Variants in JAK2 observed in about 807,000 individuals in gnomAD.
JAK2 encodes tyrosine-protein kinase JAK2.
Under a neutral mutation model 139.3 loss-of-function variants are expected in JAK2, and 86 were observed. The ratio of observed to expected loss-of-function variants is 0.62; its 90% confidence interval spans 0.52 to 0.74. The LOEUF (loss-of-function observed/expected upper bound fraction) is 0.74, where lower values mean the gene tolerates loss of function less well. Among genes scored for constraint, JAK2 ranks in the 30% least tolerant of loss-of-function variants. The pLI is 0.00. For synonymous variants in JAK2, 490 were observed against 437.7 expected, an observed-to-expected ratio of 1.12 and a Z score of -1.49; for missense variants, 1,421 against 1,360.3, an observed-to-expected ratio of 1.04 and a Z score of -0.70.
intron 15 of JAK2, 135 bp downstream of exon 15, chr9:5,077,715 T>C (rs1819402571): frequency 2.1e-6 from 1 of 487,686 alleles, no homozygotes; most frequent in Non-Finnish European, 3.4e-6. Context: ...TGTTAGGTGA[T>C]AAAAAGAGAT....
chr9:5,064,339 G>T (rs191401691), intron 8 of JAK2, among the ~76,000 whole-genome samples: 1 of 152,250 alleles, frequency 6.6e-6, no homozygotes, highest in African/African-American at 2.4e-5. Context: ...AGACCAGCCT[G>T]GCCAACATGG....
intron 8 of JAK2, among the ~76,000 whole-genome samples, chr9:5,063,701 T>A (rs10815149): frequency 6.6e-6 from 1 of 151,950 alleles, no homozygotes; most frequent in Non-Finnish European, 1.5e-5. Flanking sequence ...AAGAGTGTTT[T>A]GAAGTTTTTG....
chr9:5,018,420 C>T (rs927405202), intron 2 of JAK2, among the ~76,000 whole-genome samples: 4 of 152,122 alleles, frequency 2.6e-5, no homozygotes, highest in East Asian at 1.9e-4. Context: ...ACTGCAGCCT[C>T]GACCTCCATG....
chr9:5,123,111 G>T lies in JAK2; in HGVS notation c.3167G>T (p.Ser1056Ile). Residue 1056 changes from serine (S) to isoleucine (I), a missense_variant, in exon 23 of 25, where the codon AGT becomes ATT. By Grantham distance (142) the Ser-to-Ile change is moderately radical. Coordinates refer to ENST00000381652, the MANE Select transcript of JAK2 (RefSeq NM_004972.4). ...ELFTYIEKSK[S>I]PPAEFMRMIG... ...TTCACATACATTGAGAAGAGTAAAA[G>T]TCCACCAGCGGTCAGTGTGCTTTTT... The T allele has an allele frequency of 6.3e-7, 1 of 1,588,332 alleles. No individual in the cohort carries two copies. Among genetic ancestry groups the T allele is most frequent in the Non-Finnish European group, 8.6e-7 (1 of 1,164,468 alleles).
At chr9:5,078,146 C>T (rs1819436945) in intron 15 of JAK2, among the ~76,000 whole-genome samples, 160 bp from the exon 16 acceptor site, 1 of 152,150 alleles carries the variant, frequency 6.6e-6, no homozygotes, top group South Asian at 2.1e-4. Context: ...AAACAGGAAG[C>T]ATAGGAGTCA....
At chr9:5,102,416 T>C (rs1198965201) in intron 22 of JAK2, among the ~76,000 whole-genome samples, 1 of 152,204 alleles carries the variant, frequency 6.6e-6, no homozygotes, top group Admixed American at 6.5e-5. Context: ...CTACATTTGA[T>C]TGTTGTACCT....
chr9:5,044,070 T>G (rs1392040122), intron 4 of JAK2, among the ~76,000 whole-genome samples: 2 of 152,258 alleles, frequency 1.3e-5, no homozygotes, highest in Non-Finnish European at 2.9e-5. Flanking sequence ...TTATACCAAA[T>G]TAGCATTTTC....
intron 4 of JAK2, among the ~76,000 whole-genome samples, chr9:5,037,408 G>C (rs1257926513): frequency 6.6e-6 from 1 of 152,136 alleles, no homozygotes; most frequent in Non-Finnish European, 1.5e-5. Flanking sequence ...ACATGCACAC[G>C]TATGTTTATT....
At chr9:5,046,311 CCTT>C (rs1817005816) in intron 5 of JAK2, among the ~76,000 whole-genome samples, 1 of 152,092 alleles carries the variant, frequency 6.6e-6, no homozygotes, top group Non-Finnish European at 1.5e-5. Flanking sequence ...GATCTTAACT[CCTT>C]ATAAGATACA....
At chr9:5,017,747 G>A (rs1390764301) in intron 2 of JAK2, among the ~76,000 whole-genome samples, 1 of 152,180 alleles carries the variant, frequency 6.6e-6, no homozygotes, top group Non-Finnish European at 1.5e-5. Context: ...ATATCCAGTT[G>A]CAGATGAACT....
chr9:5,024,687 GC>G (rs1822665039), intron 3 of JAK2, among the ~76,000 whole-genome samples: 1 of 152,088 alleles, frequency 6.6e-6, no homozygotes, highest in Non-Finnish European at 1.5e-5. Flanking sequence ...TTAGACCTCT[GC>G]CCCAGATAGC....
chr9:5,121,793 C>T (rs776224633), intron 22 of JAK2, among the ~76,000 whole-genome samples: 1 of 151,980 alleles, frequency 6.6e-6, no homozygotes, highest in Non-Finnish European at 1.5e-5. Flanking sequence ...TTTGTATTTA[C>T]CCTTACATAA....
chr9:5,088,388 T>C (rs904104367), intron 19 of JAK2, among the ~76,000 whole-genome samples: 8 of 152,220 alleles, frequency 5.3e-5, no homozygotes, highest in African/African-American at 1.4e-4. Context: ...AAGAACTACA[T>C]TGTTTTATCC....
intron 3 of JAK2, among the ~76,000 whole-genome samples, chr9:5,025,893 C>A (rs978562620): frequency 6.6e-6 from 1 of 152,212 alleles, no homozygotes; most frequent in African/African-American, 2.4e-5. Context: ...TACATTTTCA[C>A]AAAAATTGTC....
intron 19 of JAK2, chr9:5,085,375 A>C: frequency 1.1e-6 from 1 of 906,804 alleles, no homozygotes; most frequent in Non-Finnish European, 1.8e-6. Flanking sequence ...GATCTCATGC[A>C]CCACTGGGTC....
chr9:5,070,346 A>G (rs957977007), intron 12 of JAK2, among the ~76,000 whole-genome samples: 9 of 152,096 alleles, frequency 5.9e-5, no homozygotes, highest in African/African-American at 2.2e-4. Flanking sequence ...GCAACTCCCA[A>G]GTTCTCAAGA....
intron 19 of JAK2, among the ~76,000 whole-genome samples, chr9:5,083,261 G>C (rs1819840889): frequency 6.6e-6 from 1 of 152,148 alleles, no homozygotes; most frequent in Non-Finnish European, 1.5e-5. Context: ...CACTAGCAGA[G>C]ACTCTGTCTA....
chr9:5,112,725 C>T, intron 22 of JAK2: 1 of 761,862 alleles, frequency 1.3e-6, no homozygotes, highest in Non-Finnish European at 2.0e-6. Flanking sequence ...AACCTGAATC[C>T]CAAAACAGCC....
chr9:5,032,934 G>A (rs200940390), intron 4 of JAK2, among the ~76,000 whole-genome samples: 2 of 152,094 alleles, frequency 1.3e-5, no homozygotes, highest in Non-Finnish European at 2.9e-5. Flanking sequence ...GGCTTCAGAC[G>A]ATCAAACTAC....
Sources: gnomAD v4.1 joint callset for allele counts (sites outside exome capture counted in the v4.1 genomes callset) on GRCh38, gnomAD v4.1.1 for gene constraint, MANE v1.5 for transcripts, NCBI Gene and HGNC (gene_info 2026-07-23, HGNC 2026-07-21) for gene names.